The following MEI4 variants were observed in gnomAD, a reference collection of about 807,000 sequenced individuals.
MEI4 encodes the protein meiosis-specific protein MEI4.
In MEI4, 27 loss-of-function variants were observed where a neutral mutation model predicts 31.4. That is an observed-to-expected ratio of 0.86 (90% CI 0.63 to 1.19). The LOEUF (loss-of-function observed/expected upper bound fraction) is 1.19. Among genes scored for constraint, MEI4 ranks in the 50% most tolerant of loss-of-function variants. The pLI is 0.00. For missense variants in MEI4, 329 were observed against 398.9 expected (o/e 0.82, Z 1.49); for synonymous variants, 122 against 145.4 (o/e 0.84, Z 1.16).
At chr6:77,659,339 A>G (rs949342346) in intron 1 of MEI4, among the ~76,000 whole-genome samples, 8 of 152,280 alleles carry the variant, frequency 5.3e-5, no homozygotes, top group Middle Eastern at 3.4e-3. Flanking sequence ...AGACACATGT[A>G]GGTAGAGGAT....
At position 77,701,390 on chromosome 6, in the gene MEI4, C is replaced by T. The variant is rs113260670; in HGVS notation, c.232+10487C>T. On this transcript the variant is annotated intron_variant, in intron 2 of 4. Transcript: ENST00000684080. ...AATGGGAAAAATGGCATAGAATTTC[C>T]GTAGGCAGATTTAGGATTAAAATTT... Among the ~76,000 whole-genome samples, 792 of 151,980 alleles carry T rather than the reference C, an allele frequency of 5.2e-3. 8 individuals carry two copies. The highest frequency in any genetic ancestry group is 0.019 in the African/African-American group (773 of 41,456).
intron 4 of MEI4, among the ~76,000 whole-genome samples, chr6:77,885,918 T>C (rs573564186): frequency 3.3e-5 from 5 of 152,212 alleles, no homozygotes; most frequent in Admixed American, 2.0e-4. Context: ...GAATCTAAGA[T>C]TATAATTTTT....
chr6:77,739,158 G>T (rs973505606), intron 2 of MEI4, among the ~76,000 whole-genome samples: 2 of 152,050 alleles, frequency 1.3e-5, no homozygotes, highest in African/African-American at 4.8e-5. Context: ...CTTTGCCCAT[G>T]CCTATATCCT....
chr6:77,822,750 G>A lies in MEI4; in HGVS notation c.769-6181G>A, dbSNP rs145223569. ...TTCTCCTGTCTCAGCCTCCCGAGTA[G>A]CTGGGAATACAGGCACCCACCACCA... is the stretch of plus-strand genomic sequence containing the variant. On this transcript the variant is annotated intron_variant, in intron 3 of 4. Transcript: ENST00000684080. 6.9e-3 allele frequency among the ~76,000 whole-genome samples: 1,048 copies of A among 151,094 alleles called. 13 individuals are homozygous for A. Among genetic ancestry groups the A allele is most frequent in the African/African-American group, 0.024 (989 of 41,168 alleles).
At chr6:77,823,993 A>C (rs1769886236) in intron 3 of MEI4, among the ~76,000 whole-genome samples, 1 of 152,088 alleles carries the variant, frequency 6.6e-6, no homozygotes, top group African/African-American at 2.4e-5. Flanking sequence ...GTGGTTGAAC[A>C]CTTTTTATGG....
chr6:77,828,727 G>A (rs1177696921), intron 3 of MEI4, among the ~76,000 whole-genome samples: 2 of 151,974 alleles, frequency 1.3e-5, no homozygotes, highest in Non-Finnish European at 2.9e-5. Flanking sequence ...CCTGTTTCAT[G>A]TTTCAAAATA....
intron 4 of MEI4, among the ~76,000 whole-genome samples, chr6:77,895,629 T>A (rs1766067529): frequency 6.6e-6 from 1 of 152,136 alleles, no homozygotes; most frequent in South Asian, 2.1e-4. Flanking sequence ...TTGCCATTAT[T>A]TATTTACTTC....
At chr6:77,873,810 G>A (rs1771260412) in intron 4 of MEI4, among the ~76,000 whole-genome samples, 1 of 152,096 alleles carries the variant, frequency 6.6e-6, no homozygotes, top group African/African-American at 2.4e-5. Flanking sequence ...TCCAGTTTCA[G>A]CTTTCTACAT....
At chr6:77,863,318 G>A (rs981860595) in intron 4 of MEI4, among the ~76,000 whole-genome samples, 2 of 151,922 alleles carry the variant, frequency 1.3e-5, no homozygotes, top group African/African-American at 4.8e-5. Flanking sequence ...CCCATGGCAA[G>A]GAAGTTAAAA....
intron 4 of MEI4, among the ~76,000 whole-genome samples, chr6:77,880,354 C>G (rs1039066236): frequency 2.0e-5 from 3 of 152,056 alleles, no homozygotes; most frequent in Admixed American, 6.5e-5. Context: ...CCTCAGCCTC[C>G]TGCGTAGCTG....
chr6:77,797,605 T>G (rs1009690718), intron 3 of MEI4, among the ~76,000 whole-genome samples: 25 of 152,052 alleles, frequency 1.6e-4, no homozygotes, highest in African/African-American at 5.8e-4. Context: ...AAACCACTGA[T>G]GTAAATCCAG....
chr6:77,790,876 A>T (rs1314755227), intron 3 of MEI4, among the ~76,000 whole-genome samples: 5 of 152,160 alleles, frequency 3.3e-5, no homozygotes, highest in African/African-American at 9.6e-5. Flanking sequence ...GCGAAGGACA[A>T]GAACAGACAC....
intron 3 of MEI4, among the ~76,000 whole-genome samples, chr6:77,815,510 T>C (rs1769668425): frequency 6.6e-6 from 1 of 152,124 alleles, no homozygotes. Context: ...AAATTAGAGA[T>C]GTCAGAAGAA....
chr6:77,878,224 A>AT (rs1339996510), intron 4 of MEI4, among the ~76,000 whole-genome samples: 1 of 151,964 alleles, frequency 6.6e-6, no homozygotes, highest in Non-Finnish European at 1.5e-5. Flanking sequence ...AAATACATAA[A>AT]AAAACCTCTT....
At chr6:77,756,776 T>C (rs1188405556) in intron 2 of MEI4, among the ~76,000 whole-genome samples, 1 of 152,078 alleles carries the variant, frequency 6.6e-6, no homozygotes, top group Non-Finnish European at 1.5e-5. Context: ...TCCAAGGAGT[T>C]GATCATGGTT....
At chr6:77,819,333 A>T (rs1769761702) in intron 3 of MEI4, among the ~76,000 whole-genome samples, 1 of 151,634 alleles carries the variant, frequency 6.6e-6, no homozygotes. Context: ...TTTCTGAATG[A>T]TTTTTTTCAC....
chr6:77,683,631 T>C (rs1418360528), intron 1 of MEI4, among the ~76,000 whole-genome samples: 1 of 152,168 alleles, frequency 6.6e-6, no homozygotes, highest in Admixed American at 6.5e-5. Context: ...AGATTTCACA[T>C]ATAGTGAAAT....
At chr6:77,856,666 C>T (rs986863652) in intron 4 of MEI4, among the ~76,000 whole-genome samples, 13 of 152,174 alleles carry the variant, frequency 8.5e-5, no homozygotes, top group African/African-American at 2.2e-4. Context: ...ATTGCAAGAG[C>T]GTGGCTAAGG....
At chr6:77,732,284 T>G (rs1767025290) in intron 2 of MEI4, among the ~76,000 whole-genome samples, 2 of 152,018 alleles carry the variant, frequency 1.3e-5, no homozygotes, top group Admixed American at 6.5e-5. Context: ...TCCATTTGTT[T>G]TTATCCTCTT....
Sources: allele counts gnomAD v4.1 joint callset (sites outside exome capture counted in the v4.1 genomes callset), GRCh38; gene constraint gnomAD v4.1.1; transcripts MANE v1.5; gene names NCBI Gene and HGNC (gene_info 2026-07-23, HGNC 2026-07-21).